Variants in LPP observed in about 807,000 individuals in gnomAD.
LPP encodes LIM domain containing preferred translocation partner in lipoma, also known as lipoma-preferred partner.
In LPP, 38 loss-of-function variants were observed where a neutral mutation model predicts 60.4. That is an observed-to-expected ratio of 0.63 (90% CI 0.49 to 0.83). The LOEUF is 0.83. Ranked by LOEUF, LPP falls within the 40% of genes least tolerant of loss-of-function variation. The pLI, the probability that LPP is intolerant of heterozygous loss-of-function variation, is 0.00. For missense variants in LPP, 902 were observed against 783.6 expected, an observed-to-expected ratio of 1.15 and a Z score of -1.80; for synonymous variants, 328 against 290.8, an observed-to-expected ratio of 1.13 and a Z score of -1.30.
intron 9 of LPP, among the ~76,000 whole-genome samples, chr3:188,813,796 A>G (rs1751719431): frequency 6.6e-6 from 1 of 152,192 alleles, no homozygotes; most frequent in South Asian, 2.1e-4. Flanking sequence ...TTGGCTGGGC[A>G]GAGTGGCTCA....
chr3:188,446,564 A>G (rs1578957919), intron 4 of LPP, among the ~76,000 whole-genome samples: 1 of 152,170 alleles, frequency 6.6e-6, no homozygotes, highest in East Asian at 1.9e-4. Context: ...TTTGTAAACA[A>G]TCTCCTTTTC....
intron 2 of LPP, among the ~76,000 whole-genome samples, chr3:188,294,573 G>T (rs889258198): frequency 1.3e-5 from 2 of 152,022 alleles, no homozygotes; most frequent in African/African-American, 4.8e-5. Context: ...CTTCATGCAC[G>T]TTTTTTTCTC....
rs538479945 is a variant in LPP, at chr3:188,484,104, C to T, written c.194-488C>T. On this transcript the variant is annotated intron_variant, in intron 4 of 11. Coordinates refer to ENST00000617246, the MANE Select transcript of LPP (RefSeq NM_001375462.1). ...CTCCTGTCTCTCTACCAAGGATGGA[C>T]GTACCTTCTACATCATGTTTCAGGA... Among the ~76,000 whole-genome samples the T allele has an allele frequency of 4.6e-5, 7 of 152,122 alleles. No individual in the cohort carries two copies. The South Asian group carries it at 6.2e-4, about 14-fold the overall frequency.
chr3:188,781,824 G>A (rs543394339), intron 9 of LPP, among the ~76,000 whole-genome samples: 7 of 151,034 alleles, frequency 4.6e-5, no homozygotes, highest in Non-Finnish European at 1.0e-4. Flanking sequence ...CCCGGGAGGC[G>A]GACGTTGCAG....
chr3:188,863,437 C>G (rs1560309630), intron 9 of LPP, among the ~76,000 whole-genome samples: 1 of 152,172 alleles, frequency 6.6e-6, no homozygotes, highest in Admixed American at 6.5e-5. Context: ...CTCATGCTCT[C>G]CACAACTCAG....
chr3:188,735,394 T>TA (rs763788912), intron 8 of LPP, among the ~76,000 whole-genome samples: 49 of 151,836 alleles, frequency 3.2e-4, no homozygotes, highest in Admixed American at 7.2e-4. Context: ...TTATTATTAT[T>TA]TTTTGAGACG....
chr3:188,186,141 C>T (rs1452722622), intron 1 of LPP, among the ~76,000 whole-genome samples: 1 of 152,172 alleles, frequency 6.6e-6, no homozygotes, highest in Non-Finnish European at 1.5e-5. Flanking sequence ...TTCCAGGGAA[C>T]AGGAGTCCTT....
chr3:188,641,240 C>T (rs1850049117), intron 7 of LPP, among the ~76,000 whole-genome samples: 1 of 152,188 alleles, frequency 6.6e-6, no homozygotes, highest in Admixed American at 6.5e-5. Flanking sequence ...TCATATTCCA[C>T]AGTCAATTAT....
At chr3:188,727,319 A>G (rs1718794002) in intron 8 of LPP, among the ~76,000 whole-genome samples, 2 of 152,190 alleles carry the variant, frequency 1.3e-5, no homozygotes, top group Non-Finnish European at 2.9e-5. Context: ...GTTCAGCAGT[A>G]CTGAGAGTAT....
At chr3:188,675,205 AG>A (rs1208827077) in intron 7 of LPP, among the ~76,000 whole-genome samples, 1 of 152,228 alleles carries the variant, frequency 6.6e-6, no homozygotes, top group Non-Finnish European at 1.5e-5. Flanking sequence ...TACTGATTAG[AG>A]TCATTTGTAG....
chr3:188,867,091 C>A (rs1412233930), intron 10 of LPP, among the ~76,000 whole-genome samples: 1 of 151,860 alleles, frequency 6.6e-6, no homozygotes, highest in Non-Finnish European at 1.5e-5. Flanking sequence ...ATTCATGGGC[C>A]CAAAATAATC....
chr3:188,692,036 G>T (rs1862231889), intron 7 of LPP, among the ~76,000 whole-genome samples: 1 of 152,086 alleles, frequency 6.6e-6, no homozygotes, highest in Admixed American at 6.5e-5. Flanking sequence ...CTTCCTTCAT[G>T]ATGCTTGCCC....
intron 10 of LPP, 90 bp downstream of exon 10, chr3:188,866,468 C>A: frequency 9.5e-7 from 1 of 1,048,428 alleles, no homozygotes; most frequent in Non-Finnish European, 1.3e-6. Context: ...TCTTCTCTCT[C>A]AGAACTACAG....
intron 8 of LPP, among the ~76,000 whole-genome samples, chr3:188,733,090 A>T (rs1420714716): frequency 2.0e-5 from 3 of 152,132 alleles, no homozygotes; most frequent in Non-Finnish European, 4.4e-5. Flanking sequence ...TTCCTGCCAT[A>T]GTCAGGCCCA....
rs567257924 is a variant in LPP, at chr3:188,512,593, A to AAATAAAT, written c.307-12070_307-12069insTAAATAA. On this transcript the variant is annotated intron_variant, in intron 5 of 11. Coordinates refer to ENST00000617246, the MANE Select transcript of LPP (RefSeq NM_001375462.1). ...TAAATAAATAAATAAATAAATAAAT[A>AAATAAAT]AAGTTCCCACCCTCTGTACGTTTCC... 1.3e-4 allele frequency among the ~76,000 whole-genome samples: 19 copies of AAATAAAT among 151,664 alleles called. No individual in the cohort carries two copies. The East Asian group carries it at 2.7e-3, about 22-fold the overall frequency.
intron 3 of LPP, among the ~76,000 whole-genome samples, chr3:188,377,948 T>A (rs946967492): frequency 6.6e-6 from 1 of 152,204 alleles, no homozygotes; most frequent in Non-Finnish European, 1.5e-5. Context: ...GCTGCAGGTC[T>A]GTTGGAGTTT....
At chr3:188,625,417 A>G (rs140899264) in intron 7 of LPP, among the ~76,000 whole-genome samples, 1 of 152,330 alleles carries the variant, frequency 6.6e-6, no homozygotes, top group African/African-American at 2.4e-5. Context: ...AAATAACAGT[A>G]AAACCATTTT....
chr3:188,301,258 G>A (rs755385083), intron 2 of LPP, among the ~76,000 whole-genome samples: 17 of 152,150 alleles, frequency 1.1e-4, no homozygotes, highest in Admixed American at 2.0e-4. Flanking sequence ...TAAAGTTAAT[G>A]GAGATGATTT....
chr3:188,597,457 T>C (rs1440797522), intron 6 of LPP, among the ~76,000 whole-genome samples: 1 of 152,142 alleles, frequency 6.6e-6, no homozygotes, highest in African/African-American at 2.4e-5. Context: ...ATCTTTTGTC[T>C]TTTTATGGCT....
Sources: gnomAD v4.1 joint callset for allele counts (sites outside exome capture counted in the v4.1 genomes callset) on GRCh38, gnomAD v4.1.1 for gene constraint, MANE v1.5 for transcripts, NCBI Gene and HGNC (gene_info 2026-07-23, HGNC 2026-07-21) for gene names.